KAZN: variants seen among roughly 807,000 people sequenced by gnomAD.
The protein encoded by KAZN is kazrin, periplakin interacting protein, also known as kazrin.
KAZN carries 40 observed loss-of-function variants against 87.4 expected under a neutral mutation model. The observed-to-expected ratio is 0.46, with a 90% CI of 0.36 to 0.60. KAZN has a LOEUF of 0.60. KAZN is among the 20% of genes least tolerant of loss of function. The pLI is 0.00. For missense variants in KAZN, 898 were observed against 1,073.9 expected, an observed-to-expected ratio of 0.84 and a Z score of 2.29; for synonymous variants, 466 against 458.3, an observed-to-expected ratio of 1.02 and a Z score of -0.22.
At chr1:13,922,242 A>G (rs1217644982) in intron 1 of KAZN, among the ~76,000 whole-genome samples, 1 of 151,888 alleles carries the variant, frequency 6.6e-6, no homozygotes, top group Non-Finnish European at 1.5e-5. Flanking sequence ...CCCGCCCCCA[A>G]CTCTTGTATT....
intron 2 of KAZN, among the ~76,000 whole-genome samples, chr1:14,266,478 G>A (rs1651481134): frequency 6.6e-6 from 1 of 152,172 alleles, no homozygotes; most frequent in African/African-American, 2.4e-5. Flanking sequence ...TGGCATATTT[G>A]TACTCACAAA....
At chr1:14,280,836 G>A (rs1652792962) in intron 2 of KAZN, among the ~76,000 whole-genome samples, 2 of 152,274 alleles carry the variant, frequency 1.3e-5, no homozygotes, top group Non-Finnish European at 1.5e-5. Context: ...GTACAATACA[G>A]GTTCATCCTA....
chr1:14,778,259 A>C (rs1176336218), intron 1 of KAZN, among the ~76,000 whole-genome samples: 1 of 152,194 alleles, frequency 6.6e-6, no homozygotes. Context: ...CAGCCTCCAT[A>C]AACCAGCCAG....
intron 1 of KAZN, among the ~76,000 whole-genome samples, chr1:14,052,265 G>T (rs949197393): frequency 2.0e-5 from 3 of 152,216 alleles, no homozygotes; most frequent in African/African-American, 7.2e-5. Flanking sequence ...TACACATTCT[G>T]CTTTTTGCAA....
At chr1:14,209,870 C>T (rs1489538524) in intron 2 of KAZN, among the ~76,000 whole-genome samples, 3 of 152,134 alleles carry the variant, frequency 2.0e-5, no homozygotes, top group African/African-American at 4.8e-5. Context: ...GTTATTGGTA[C>T]CCACTGAGAG....
chr1:14,275,182 T>G (rs74427618), intron 2 of KAZN, among the ~76,000 whole-genome samples: 6,274 of 152,216 alleles, frequency 0.041, 158 homozygotes, highest in Middle Eastern at 0.075. Flanking sequence ...CACATCTCCC[T>G]CTCCCCACCA....
chr1:14,333,718 G>A (rs531305645), intron 2 of KAZN, among the ~76,000 whole-genome samples: 6 of 152,326 alleles, frequency 3.9e-5, no homozygotes, highest in African/African-American at 1.2e-4. Context: ...TGCTGACAGG[G>A]GCTGGTGGGG....
chr1:14,717,664 G>A (rs1311913562), intron 1 of KAZN, among the ~76,000 whole-genome samples: 4 of 152,190 alleles, frequency 2.6e-5, no homozygotes, highest in Non-Finnish European at 5.9e-5. Context: ...AAGGTTCCGA[G>A]GTTCAGAGTG....
chr1:13,894,390 A>G (rs1382250362), intron 1 of KAZN, among the ~76,000 whole-genome samples: 1 of 74,886 alleles, frequency 1.3e-5, no homozygotes, highest in Non-Finnish European at 2.4e-5. Context: ...TAGGATGCAC[A>G]TGTGGTCACA....
intron 2 of KAZN, among the ~76,000 whole-genome samples, chr1:14,392,423 G>A (rs1214453827): frequency 2.0e-5 from 3 of 152,076 alleles, no homozygotes; most frequent in South Asian, 2.1e-4. Flanking sequence ...AGCTGGATTC[G>A]GTTCCTAGTT....
chr1:15,022,480 G>A (rs1233331411), intron 2 of KAZN, among the ~76,000 whole-genome samples: 1 of 152,236 alleles, frequency 6.6e-6, no homozygotes, highest in African/African-American at 2.4e-5. Flanking sequence ...CAAGCAAATG[G>A]TAGGGCCAGG....
chr1:13,935,252 G>GTAATGA (rs1640681589), intron 1 of KAZN, among the ~76,000 whole-genome samples: 1 of 147,072 alleles, frequency 6.8e-6, no homozygotes, highest in Non-Finnish European at 1.5e-5. Context: ...AGTAGTAGTA[G>GTAATGA]TAATAATAAT....
intron 1 of KAZN, among the ~76,000 whole-genome samples, chr1:14,151,981 T>G (rs1230133472): frequency 1.3e-5 from 2 of 152,240 alleles, no homozygotes; most frequent in East Asian, 3.8e-4. Flanking sequence ...TTTTTTTGTT[T>G]AAGTTCTCTA....
At chr1:14,986,735 G>A (rs1666861819) in intron 2 of KAZN, among the ~76,000 whole-genome samples, 1 of 152,160 alleles carries the variant, frequency 6.6e-6, no homozygotes, top group South Asian at 2.1e-4. Flanking sequence ...AAGTCAAAGG[G>A]TCAGTTGTTT....
intron 1 of KAZN, among the ~76,000 whole-genome samples, chr1:14,062,430 C>G (rs1642831429): frequency 6.6e-6 from 1 of 152,106 alleles, no homozygotes; most frequent in Admixed American, 6.5e-5. Flanking sequence ...TTAGGACTTT[C>G]TAAATGGCTT....
At chr1:13,991,047 CAA>C (rs546831118) in intron 1 of KAZN, among the ~76,000 whole-genome samples, 8 of 151,960 alleles carry the variant, frequency 5.3e-5, no homozygotes, top group Non-Finnish European at 1.2e-4. Context: ...AATAAAGAAG[CAA>C]AGACAGGAAA....
chr1:14,214,361 A>G (rs1646916592), intron 2 of KAZN, among the ~76,000 whole-genome samples: 1 of 152,176 alleles, frequency 6.6e-6, no homozygotes, highest in Admixed American at 6.5e-5. Context: ...GGTTTTATGC[A>G]CTGCTTTACT....
intron 1 of KAZN, among the ~76,000 whole-genome samples, chr1:14,047,092 T>TCATC (rs1019862928): frequency 1.3e-5 from 2 of 152,186 alleles, no homozygotes; most frequent in Non-Finnish European, 1.5e-5. Flanking sequence ...CATCCACCTG[T>TCATC]CATCCATCCA....
intron 3 of KAZN, among the ~76,000 whole-genome samples, chr1:15,040,638 C>T (rs1044530740): frequency 4.6e-5 from 7 of 152,074 alleles, no homozygotes; most frequent in East Asian, 1.9e-4. Flanking sequence ...TGGTGTTGTC[C>T]GCCTGTAGTC....
Sources: gnomAD v4.1 joint callset for allele counts (sites outside exome capture counted in the v4.1 genomes callset) on GRCh38, gnomAD v4.1.1 for gene constraint, MANE v1.5 for transcripts, NCBI Gene and HGNC (gene_info 2026-07-23, HGNC 2026-07-21) for gene names.